Variants in VIT observed in about 807,000 individuals in gnomAD.
VIT encodes vitrin.
VIT carries 99 observed loss-of-function variants against 78.0 expected under a neutral mutation model. The ratio of observed to expected loss-of-function variants is 1.27; its 90% CI spans 1.08 to 1.50. The LOEUF (loss-of-function observed/expected upper bound fraction) is 1.50, where lower values mean the gene tolerates loss of function less well. VIT is among the 40% of genes most tolerant of loss of function. The pLI is 0.00. For missense variants in VIT, 1,126 were observed against 875.3 expected, an observed-to-expected ratio of 1.29 and a Z score of -3.61; for synonymous variants, 374 against 334.3, an observed-to-expected ratio of 1.12 and a Z score of -1.29.
chr2:36,805,660 A>G lies in VIT; in HGVS notation c.1385A>G (p.Asn462Ser), dbSNP rs1456157974. Residue 462 changes from asparagine (N) to serine (S), a missense_variant, in exon 14 of 16, where the codon AAC becomes AGC. By Grantham distance (46) the Asn-to-Ser change is conservative. Coordinates refer to ENST00000379242, the MANE Select transcript of VIT (RefSeq NM_053276.4). ...TATGTGGTGGAGCCCAACTTTGCAAACAAGGTAGATGACTGCCCGGAGACC... is the reference window on the plus strand; with the variant it reads ...TATGTGGTGGAGCCCAACTTTGCAAGCAAGGTAGATGACTGCCCGGAGACC... ...KQYVVEPNFA[N>S]KAVCRTNGFY... 12 of 1,612,824 alleles carry G rather than the reference A, an allele frequency of 7.4e-6. No homozygotes were observed. The highest frequency in any genetic ancestry group is 1.0e-5 in the Non-Finnish European group (12 of 1,179,296).
intron 1 of VIT, among the ~76,000 whole-genome samples, chr2:36,713,956 A>T (rs1665971049): frequency 6.6e-6 from 1 of 152,400 alleles, no homozygotes; most frequent in African/African-American, 2.4e-5. Flanking sequence ...AGTCCCTGTT[A>T]TCACACTATT....
chr2:36,725,654 A>C (rs918134102), intron 2 of VIT, among the ~76,000 whole-genome samples: 2 of 152,152 alleles, frequency 1.3e-5, no homozygotes, highest in Non-Finnish European at 2.9e-5. Flanking sequence ...GAATAATCAT[A>C]AGATAAATAA....
rs116353504 is a variant in VIT, at chr2:36,797,042, C to T, written c.1059-4259C>T. 9.9e-3 allele frequency among the ~76,000 whole-genome samples: 1,498 copies of T among 151,450 alleles called. 17 individuals are homozygous for T. The highest frequency in any genetic ancestry group is 0.034 in the African/African-American group (1,419 of 41,258). ...TGGACAATTACATATTTATTATTGT[C>T]AGTGTCAATTTTGCAATTTTTCATT... On this transcript the variant is annotated intron_variant, in intron 12 of 15. Transcript: ENST00000379242.
At chr2:36,746,346 C>T (rs898869433) in intron 4 of VIT, among the ~76,000 whole-genome samples, 1 of 152,026 alleles carries the variant, frequency 6.6e-6, no homozygotes, top group Non-Finnish European at 1.5e-5. Flanking sequence ...GGATTCCTTC[C>T]TCCTTGATAT....
chr2:36,701,750 C>T (rs1426745451), intron 1 of VIT, among the ~76,000 whole-genome samples: 1 of 152,174 alleles, frequency 6.6e-6, no homozygotes. Flanking sequence ...AGAAAACATG[C>T]TTTGGACATA....
intron 8 of VIT, among the ~76,000 whole-genome samples, chr2:36,774,256 G>T (rs565581747): frequency 0.092 from 13,961 of 152,184 alleles, 706 homozygotes; most frequent in Non-Finnish European, 0.11. Flanking sequence ...TGCCACGGGG[G>T]ACAGAAACAC....
chr2:36,809,968 G>A (rs1223537773), intron 15 of VIT, among the ~76,000 whole-genome samples: 1 of 133,890 alleles, frequency 7.5e-6, no homozygotes, highest in Non-Finnish European at 1.5e-5. Context: ...TCCAGCCTGG[G>A]CAACAGAGCA....
intron 6 of VIT, among the ~76,000 whole-genome samples, chr2:36,766,762 C>CA (rs796477770): frequency 2.8e-4 from 43 of 151,192 alleles, no homozygotes; most frequent in East Asian, 9.7e-4. Context: ...AAAACAAAAA[C>CA]AAAAAAAAAT....
At chr2:36,729,185 T>C (rs539222857) in intron 2 of VIT, among the ~76,000 whole-genome samples, 5 of 152,196 alleles carry the variant, frequency 3.3e-5, no homozygotes, top group Non-Finnish European at 5.9e-5. Context: ...CAGCCTAGGT[T>C]TGTAGTAGAC....
chr2:36,813,492 C>T (rs570454242), intron 15 of VIT, among the ~76,000 whole-genome samples: 1 of 152,106 alleles, frequency 6.6e-6, no homozygotes, highest in Non-Finnish European at 1.5e-5. Context: ...TCATGTTCAT[C>T]TTACATGACT....
intron 9 of VIT, among the ~76,000 whole-genome samples, chr2:36,781,292 A>G (rs1051860128): frequency 2.0e-5 from 3 of 152,230 alleles, no homozygotes; most frequent in African/African-American, 7.2e-5. Context: ...ATTTAGGGCA[A>G]AAGATTCAGT....
chr2:36,741,362 G>A (rs987173229), intron 3 of VIT, among the ~76,000 whole-genome samples: 1 of 152,194 alleles, frequency 6.6e-6, no homozygotes, highest in African/African-American at 2.4e-5. Context: ...AAAACTGTTT[G>A]AAGCACAGCG....
At chr2:36,724,727 C>T (rs12466463) in intron 2 of VIT, among the ~76,000 whole-genome samples, 71,070 of 151,992 alleles carry the variant, frequency 0.47, 17,803 homozygotes, top group Admixed American at 0.61. Flanking sequence ...TGTTTTCAGC[C>T]TAAAAGGTCT....
intron 12 of VIT, among the ~76,000 whole-genome samples, chr2:36,792,498 C>T (rs1182773878): frequency 6.6e-6 from 1 of 152,204 alleles, no homozygotes; most frequent in Admixed American, 6.5e-5. Flanking sequence ...CCTCACACAT[C>T]CACTGGGTTT....
intron 9 of VIT, among the ~76,000 whole-genome samples, chr2:36,781,384 A>T (rs1001775977): frequency 6.6e-6 from 1 of 152,224 alleles, no homozygotes; most frequent in Non-Finnish European, 1.5e-5. Flanking sequence ...AGCACTAGCC[A>T]GCCACTCACA....
At chr2:36,809,761 A>G (rs1307021549) in intron 15 of VIT, among the ~76,000 whole-genome samples, 2 of 152,194 alleles carry the variant, frequency 1.3e-5, no homozygotes, top group African/African-American at 2.4e-5. Context: ...AAAGACAAGT[A>G]CTTTTTCTGT....
chr2:36,789,959 C>T (rs867079374), intron 12 of VIT, among the ~76,000 whole-genome samples: 41 of 152,302 alleles, frequency 2.7e-4, no homozygotes, highest in African/African-American at 9.1e-4. Context: ...TACCACTGCC[C>T]CTGGTCCACA....
At chr2:36,806,974 T>A (rs11124546) in intron 14 of VIT, among the ~76,000 whole-genome samples, 6,832 of 152,224 alleles carry the variant, frequency 0.045, 369 homozygotes, top group East Asian at 0.17. Flanking sequence ...AAGTTCATCA[T>A]CCTTCCCGCT....
intron 13 of VIT, among the ~76,000 whole-genome samples, chr2:36,801,732 C>G (rs926536278): frequency 1.3e-5 from 2 of 149,992 alleles, no homozygotes; most frequent in Non-Finnish European, 3.0e-5. Flanking sequence ...GCCAAGATGG[C>G]GCCACTGCAC....
Sources: gnomAD v4.1 joint callset for allele counts (sites outside exome capture counted in the v4.1 genomes callset) on GRCh38, gnomAD v4.1.1 for gene constraint, MANE v1.5 for transcripts, NCBI Gene and HGNC (gene_info 2026-07-23, HGNC 2026-07-21) for gene names.